BCORL1: variants seen among roughly 807,000 people sequenced by gnomAD.
BCORL1 encodes BCL-6 corepressor-like protein 1.
BCORL1 carries 7 observed loss-of-function variants against 87.6 expected under a neutral mutation model. The observed-to-expected ratio is 0.08, with a 90% confidence interval of 0.05 to 0.15. The LOEUF (loss-of-function observed/expected upper bound fraction) is 0.15, where lower values mean the gene tolerates loss of function less well. Ranked by LOEUF, BCORL1 falls within the 10% of genes least tolerant of loss-of-function variation. BCORL1 has a pLI of 1.00. For missense variants in BCORL1, 1,215 were observed against 1,499.7 expected (o/e 0.81, Z 3.13); for synonymous variants, 591 against 634.4 (o/e 0.93, Z 1.03).
chrX:130,007,561 C>T (rs758279641), intron 2 of BCORL1, among the ~76,000 whole-genome samples: 1 of 112,208 alleles, frequency 8.9e-6, no homozygotes, highest in East Asian at 2.8e-4. Context: ...TTTGGGAGGC[C>T]GAGGCGGGTG....
chrX:130,016,770 T>G (rs920534943), intron 4 of BCORL1, among the ~76,000 whole-genome samples: 19 of 111,212 alleles, frequency 1.7e-4, no homozygotes, highest in African/African-American at 6.2e-4. Context: ...GCAGCAGCTT[T>G]GGGTTTTGGC....
In BCORL1 at chrX:130,015,356, C is replaced by T. The variant is rs1798435559; in HGVS notation, c.2584C>T (p.Pro862Ser). The T allele has an allele frequency of 1.7e-6, 2 of 1,210,592 alleles. No individual in the cohort carries two copies. Among genetic ancestry groups the T allele is most frequent in the Non-Finnish European group, 2.2e-6 (2 of 895,378 alleles). ...LTPSQGAPIR[P>S]TSVVSEFSGV... The stretch of plus-strand genomic sequence containing the variant: ...CCCCAGTCAGGGGGCGCCCATCAGG[C>T]CCACCAGCGTTGTTTCGGAGTTTTC... Residue 862 changes from proline (P) to serine (S), a missense_variant, in exon 4 of 14, where the codon CCC (proline) becomes TCC (serine). By Grantham distance (74) the Pro-to-Ser change is moderately conservative (BLOSUM62 -1). Coordinates refer to ENST00000540052, the MANE Select transcript of BCORL1 (RefSeq NM_001379451.1).
At chrX:130,031,254 A>G (rs891020803) in intron 8 of BCORL1, among the ~76,000 whole-genome samples, 1 of 112,703 alleles carries the variant, frequency 8.9e-6, no homozygotes, top group African/African-American at 3.2e-5. Context: ...ATAAAGCAGC[A>G]TTGTACCCTC....
chrX:130,001,842 T>G (rs1928074720), intron 1 of BCORL1, among the ~76,000 whole-genome samples: 1 of 110,329 alleles, frequency 9.1e-6, no homozygotes, highest in Non-Finnish European at 1.9e-5. Context: ...GGAAAGCTAT[T>G]GAAAGCTTTT....
intron 1 of BCORL1, among the ~76,000 whole-genome samples, chrX:129,990,392 C>T (rs947719665): frequency 1.2e-4 from 13 of 109,732 alleles, no homozygotes; most frequent in Admixed American, 2.9e-4. Flanking sequence ...CCACCGTGCC[C>T]GGCTAATTTT....
chrX:130,002,274 G>A (rs1928107041), intron 1 of BCORL1, among the ~76,000 whole-genome samples: 2 of 110,103 alleles, frequency 1.8e-5, no homozygotes, highest in Non-Finnish European at 3.8e-5. Context: ...GCTGGCAGCT[G>A]GAAATTCTGG....
chrX:130,015,207 ATATT>A lies in BCORL1; in HGVS notation c.2439_2442del (p.Tyr814ProfsTer38). The A allele has an allele frequency of 8.3e-7, 1 of 1,211,987 alleles. No homozygotes were observed. Among genetic ancestry groups the A allele is most frequent in the Non-Finnish European group, 1.1e-6 (1 of 895,564 alleles). Reference sequence around the variant, plus strand: ...TTGTGGAAACCCACGGGGCCGGCAAATATTTATCCCCGGTGTTCAGTCAATGGGA... The same window carrying A: ...TTGTGGAAACCCACGGGGCCGGCAAATATCCCCGGTGTTCAGTCAATGGGA... On this transcript the variant is annotated frameshift_variant, in exon 4 of 14. Coordinates refer to ENST00000540052, the MANE Select transcript of BCORL1 (RefSeq NM_001379451.1). LOFTEE classifies it high-confidence loss of function.
At chrX:130,040,147 G>A (rs1013075376) in intron 11 of BCORL1, among the ~76,000 whole-genome samples, 3 of 111,919 alleles carry the variant, frequency 2.7e-5, no homozygotes, top group African/African-American at 9.8e-5. Flanking sequence ...AACCTTCTTG[G>A]AGGCTGCAGT....
rs1929304371 is a variant in BCORL1 at position 130,015,124 on chromosome X, A to T, written c.2352A>T (p.Arg784=). 1 of 1,210,975 alleles carries T rather than the reference A, an allele frequency of 8.3e-7. No homozygotes were observed. Among genetic ancestry groups the T allele is most frequent in the African/African-American group, 1.7e-5 (1 of 57,479 alleles). Residue 784 remains arginine (R), a synonymous_variant, in exon 4 of 14, where the codon CGA becomes CGT. Transcript: ENST00000540052. ...GAEGQPSTVK[R]YTPARIAPGL... is the part of the protein sequence containing the mutation. ...AGGGACAGCCAAGCACAGTGAAACG[A>T]TATACTCCAGCCCGCATTGCCCCTG... is the stretch of plus-strand genomic sequence containing the variant.
rs767135132 is a variant in BCORL1 at position 130,014,656 on chromosome X, C to T, written c.1884C>T (p.Ser628=). Residue 628 remains serine (S), a synonymous_variant, in exon 4 of 14, where the codon TCC becomes TCT. Transcript: ENST00000540052. ...TGCCCCTTGATCTGTCCTCCAAGTC[C>T]AACCGCCAGAAGCTTCCATTGCCGA... The part of the protein sequence containing the change: ...SEMPLDLSSK[S]NRQKLPLPNQ... The T allele has an allele frequency of 3.3e-6, 4 of 1,211,550 alleles. No individual in the cohort carries two copies. The highest frequency in any genetic ancestry group is 3.5e-5 in the African/African-American group (2 of 57,737).
chrX:129,990,291 G>A (rs998397521), intron 1 of BCORL1, among the ~76,000 whole-genome samples: 1 of 110,498 alleles, frequency 9.0e-6, no homozygotes, highest in Non-Finnish European at 1.9e-5. Flanking sequence ...GAGTGCAGTG[G>A]CGCTATCTCG....
chrX:130,043,764 ATATATATATATATATATATATTTTT>A (rs1479475419), intron 11 of BCORL1, among the ~76,000 whole-genome samples: 10 of 15,551 alleles, frequency 6.4e-4, no homozygotes, highest in African/African-American at 2.0e-3. Flanking sequence ...ATATATATAT[ATATATATATATATATATATATTTTT>A]TTTTTTTTTT....
chrX:130,015,774 A>G lies in BCORL1; in HGVS notation c.3002A>G (p.Gln1001Arg). Residue 1001 changes from glutamine to arginine, a missense_variant, in exon 4 of 14, where the codon CAG (glutamine) becomes CGG (arginine). By Grantham distance (43) the Gln-to-Arg change is conservative. Coordinates refer to ENST00000540052, the MANE Select transcript of BCORL1 (RefSeq NM_001379451.1). ...MSHELVLATP[Q>R]NLPKMPELPL... ...CATGAGCTGGTCCTGGCCACCCCCC[A>G]GAACCTGCCTAAGATGCCTGAGCTG... 1 of 1,212,034 alleles carries G rather than the reference A, an allele frequency of 8.3e-7. No individual in the cohort carries two copies.
At chrX:130,054,860 G>A (rs946249369) in intron 13 of BCORL1, among the ~76,000 whole-genome samples, 29 of 110,981 alleles carry the variant, frequency 2.6e-4, no homozygotes, top group South Asian at 7.6e-4. Flanking sequence ...GCAGTGAGCC[G>A]AGATTGCGCC....
intron 1 of BCORL1, among the ~76,000 whole-genome samples, chrX:129,985,950 G>A (rs943322106): frequency 2.7e-5 from 3 of 110,524 alleles, no homozygotes; most frequent in African/African-American, 6.6e-5. Flanking sequence ...CCTGGGTTCC[G>A]GTGATTCTCC....
rs1929080926 is a variant in BCORL1 at position 130,012,961 on chromosome X, G to A, written c.189G>A (p.Thr63=). ...TCCTGTCGTTGCAGGTGGAGCTCAC[G>A]GCAGTTGGAAGTGGCAGCAATGCCC... ...VSSSFSKVEL[T]AVGSGSNARG... is the part of the protein sequence containing the mutation. Residue 63 remains threonine (T), a synonymous_variant, in exon 4 of 14, where the codon ACG becomes ACA. Transcript: ENST00000540052. The A allele has an allele frequency of 5.0e-6, 6 of 1,195,236 alleles. No homozygotes were observed. Among genetic ancestry groups the A allele is most frequent in the South Asian group, 3.6e-5 (2 of 55,028 alleles).
intron 10 of BCORL1, among the ~76,000 whole-genome samples, chrX:130,038,441 C>T (rs1931089262): frequency 9.1e-6 from 1 of 109,441 alleles, no homozygotes; most frequent in Non-Finnish European, 1.9e-5. Context: ...CACCCAGGGC[C>T]TTCAGTTCCC....
At chrX:130,045,343 G>T (rs2057830135) in intron 11 of BCORL1, among the ~76,000 whole-genome samples, 1 of 112,185 alleles carries the variant, frequency 8.9e-6, no homozygotes, top group Non-Finnish European at 1.9e-5. Context: ...TTCCACCTAT[G>T]AAAGGGTTAG....
At chrX:130,040,880 G>A (rs1931265690) in intron 11 of BCORL1, among the ~76,000 whole-genome samples, 1 of 111,406 alleles carries the variant, frequency 9.0e-6, no homozygotes. Context: ...GGCACCACAC[G>A]CAGCTCTGTC....
Sources: allele counts gnomAD v4.1 joint callset (sites outside exome capture counted in the v4.1 genomes callset), GRCh38; gene constraint gnomAD v4.1.1; transcripts MANE v1.5; gene names NCBI Gene and HGNC (gene_info 2026-07-23, HGNC 2026-07-21).